SAMD4A: variants seen among roughly 807,000 people sequenced by gnomAD.
SAMD4A encodes the protein sterile alpha motif domain containing 4A, also known as protein Smaug homolog 1.
Under a neutral mutation model 81.3 loss-of-function variants are expected in SAMD4A, and 33 were observed. The ratio of observed to expected loss-of-function variants is 0.41; its 90% confidence interval spans 0.31 to 0.54. The LOEUF (loss-of-function observed/expected upper bound fraction) is 0.54. Ranked by LOEUF, SAMD4A falls within the 20% of genes least tolerant of loss-of-function variation. SAMD4A has a pLI of 0.37. For missense variants in SAMD4A, 854 were observed against 951.1 expected, an observed-to-expected ratio of 0.90 and a Z score of 1.34; for synonymous variants, 389 against 382.1, an observed-to-expected ratio of 1.02 and a Z score of -0.21.
chr14:54,574,841 A>C (rs2033241288), intron 2 of SAMD4A, among the ~76,000 whole-genome samples: 1 of 152,146 alleles, frequency 6.6e-6, no homozygotes, highest in African/African-American at 2.4e-5. Context: ...ATCACTTTGG[A>C]ATCTTGTACT....
chr14:54,759,099 A>T (rs2139853913), intron 6 of SAMD4A, among the ~76,000 whole-genome samples: 1 of 152,330 alleles, frequency 6.6e-6, no homozygotes, highest in Middle Eastern at 3.4e-3. Flanking sequence ...CCAGTATATC[A>T]AACTATATGT....
At chr14:54,788,160 T>C (rs2039188194) in intron 12 of SAMD4A, among the ~76,000 whole-genome samples, 1 of 152,162 alleles carries the variant, frequency 6.6e-6, no homozygotes, top group Non-Finnish European at 1.5e-5. Flanking sequence ...TTTGATCAGA[T>C]TCTCGAGACA....
chr14:54,731,206 A>G (rs1361996041), intron 3 of SAMD4A, among the ~76,000 whole-genome samples: 1 of 152,196 alleles, frequency 6.6e-6, no homozygotes, highest in Non-Finnish European at 1.5e-5. Context: ...CAGTGGGCTG[A>G]GCTTTTTCTT....
chr14:54,702,920 G>T, intron 3 of SAMD4A: 1 of 262,776 alleles, frequency 3.8e-6, no homozygotes, highest in Non-Finnish European at 7.3e-6. Flanking sequence ...TGGATTTGCT[G>T]AGACACTGAG....
At chr14:54,693,092 T>C (rs1006356677) in intron 2 of SAMD4A, 1 of 151,914 alleles carries the variant, frequency 6.6e-6, no homozygotes, top group African/African-American at 2.4e-5. Flanking sequence ...CAAAAAACAA[T>C]GGGGAAACTT....
At chr14:54,607,995 G>GA (rs2034258496) in intron 2 of SAMD4A, among the ~76,000 whole-genome samples, 1 of 134,526 alleles carries the variant, frequency 7.4e-6, no homozygotes, top group African/African-American at 2.8e-5. Flanking sequence ...CAGCTTGGGT[G>GA]ACAGAGCAAG....
At chr14:54,639,801 A>AAC (rs10677522) in intron 2 of SAMD4A, among the ~76,000 whole-genome samples, 38,277 of 148,682 alleles carry the variant, frequency 0.26, 4,866 homozygotes, top group African/African-American at 0.3. Flanking sequence ...CATTGCTTGA[A>AAC]ACACACACAC....
At chr14:54,701,691 C>T (rs2036721463) in intron 2 of SAMD4A, among the ~76,000 whole-genome samples, 1 of 152,238 alleles carries the variant, frequency 6.6e-6, no homozygotes, top group Non-Finnish European at 1.5e-5. Flanking sequence ...TGTTCATACT[C>T]ACTTTTCTAT....
chr14:54,756,523 G>A (rs944993714), intron 6 of SAMD4A, among the ~76,000 whole-genome samples: 3 of 152,208 alleles, frequency 2.0e-5, no homozygotes, highest in African/African-American at 7.2e-5. Context: ...TTAGAGCAAA[G>A]ATTATGACTT....
chr14:54,708,982 A>C (rs144450700), intron 3 of SAMD4A, among the ~76,000 whole-genome samples: 81 of 152,294 alleles, frequency 5.3e-4, no homozygotes, highest in African/African-American at 1.9e-3. Flanking sequence ...AGAAGGCATT[A>C]AAAATAGGTG....
intron 2 of SAMD4A, among the ~76,000 whole-genome samples, chr14:54,624,409 T>A (rs905621410): frequency 2.6e-5 from 4 of 152,236 alleles, no homozygotes; most frequent in African/African-American, 9.6e-5. Flanking sequence ...ACCACCTCCA[T>A]TGACCCTTAT....
At chr14:54,686,253 G>T (rs2036266032) in intron 2 of SAMD4A, among the ~76,000 whole-genome samples, 1 of 152,220 alleles carries the variant, frequency 6.6e-6, no homozygotes, top group African/African-American at 2.4e-5. Flanking sequence ...CTGAGGTGGG[G>T]ATGCCCTGGC....
intron 2 of SAMD4A, among the ~76,000 whole-genome samples, chr14:54,684,619 C>G (rs927385): frequency 0.19 from 26,337 of 136,002 alleles, 3,033 homozygotes; most frequent in African/African-American, 0.28. Flanking sequence ...CCCGCCCCCC[C>G]CCCCAACCAG....
chr14:54,633,663 G>C (rs917111863), intron 2 of SAMD4A, among the ~76,000 whole-genome samples: 1 of 152,060 alleles, frequency 6.6e-6, no homozygotes, highest in Non-Finnish European at 1.5e-5. Context: ...GGCAGGAGGA[G>C]TCAGGGAGAG....
At chr14:54,767,775 C>G (rs1334324835) in intron 8 of SAMD4A, among the ~76,000 whole-genome samples, 1 of 152,194 alleles carries the variant, frequency 6.6e-6, no homozygotes, top group Non-Finnish European at 1.5e-5. Context: ...CAATGCAGAT[C>G]CCCCATAACT....
At chr14:54,669,581 C>T (rs1314755228) in intron 2 of SAMD4A, among the ~76,000 whole-genome samples, 5 of 151,634 alleles carry the variant, frequency 3.3e-5, no homozygotes, top group Admixed American at 1.3e-4. Context: ...GCCTCAGCCT[C>T]CCAAGTAGCT....
chr14:54,741,707 A>C (rs1027288018), intron 4 of SAMD4A, among the ~76,000 whole-genome samples: 2 of 152,224 alleles, frequency 1.3e-5, no homozygotes, highest in African/African-American at 4.8e-5. Flanking sequence ...TTCAAAGTGG[A>C]GATAAGTCAA....
rs2035246453 is a variant in SAMD4A, at chr14:54,644,631, T to A, written c.197-57431T>A. 3.9e-5 allele frequency among the ~76,000 whole-genome samples: 6 copies of A among 152,338 alleles called. No homozygotes were observed. In the South Asian group the frequency reaches 1.2e-3, roughly 32 times the overall value. On this transcript the variant is annotated intron_variant, in intron 2 of 12. Transcript: ENST00000554335. ...CATCACTGCCTCTGTGTGGAACCTCTGCATGGCCCTCGGTAAGGGAAGGGT... is the reference window on the plus strand; with the variant it reads ...CATCACTGCCTCTGTGTGGAACCTCAGCATGGCCCTCGGTAAGGGAAGGGT...
At chr14:54,678,350 G>C (rs1270392308) in intron 2 of SAMD4A, among the ~76,000 whole-genome samples, 1 of 152,090 alleles carries the variant, frequency 6.6e-6, no homozygotes, top group Non-Finnish European at 1.5e-5. Context: ...CCTCAGGGGA[G>C]AAGGGAGGAG....
Sources: gnomAD v4.1 joint callset for allele counts (sites outside exome capture counted in the v4.1 genomes callset) on GRCh38, gnomAD v4.1.1 for gene constraint, MANE v1.5 for transcripts, NCBI Gene and HGNC (gene_info 2026-07-23, HGNC 2026-07-21) for gene names.